LRP1B: variants seen among roughly 807,000 people sequenced by gnomAD.
LRP1B encodes the protein low-density lipoprotein receptor-related protein 1B.
LRP1B carries 217 observed loss-of-function variants against 556.6 expected under a neutral mutation model. The observed-to-expected ratio is 0.39, with a 90% CI of 0.35 to 0.44. The LOEUF (loss-of-function observed/expected upper bound fraction) is 0.44, where lower values mean the gene tolerates loss of function less well. LRP1B is among the 20% of genes least tolerant of loss of function. The pLI, the probability that LRP1B is intolerant of heterozygous loss-of-function variation, is 1.00. For missense variants in LRP1B, 5,053 were observed against 5,620.8 expected, an observed-to-expected ratio of 0.90 and a Z score of 3.23; for synonymous variants, 2,047 against 1,865.8, an observed-to-expected ratio of 1.10 and a Z score of -2.50.
chr2:140,877,952 A>C (rs1693360365), intron 25 of LRP1B, among the ~76,000 whole-genome samples: 1 of 152,194 alleles, frequency 6.6e-6, no homozygotes, highest in African/African-American at 2.4e-5. Flanking sequence ...GTTCACAGAC[A>C]GCTTTAGTTC....
chr2:141,662,040 G>A (rs1163367420), intron 2 of LRP1B, among the ~76,000 whole-genome samples: 3 of 152,176 alleles, frequency 2.0e-5, no homozygotes, highest in African/African-American at 7.2e-5. Context: ...CATTCTTAAA[G>A]AAAGGAATTT....
At chr2:141,292,936 A>G (rs536894192) in intron 3 of LRP1B, among the ~76,000 whole-genome samples, 17 of 152,322 alleles carry the variant, frequency 1.1e-4, no homozygotes, top group African/African-American at 4.1e-4. Flanking sequence ...AGTTTATCAT[A>G]AAAATTGTAC....
intron 1 of LRP1B, among the ~76,000 whole-genome samples, chr2:142,077,201 C>T (rs138840289): frequency 0.025 from 3,735 of 151,992 alleles, 64 homozygotes; most frequent in Middle Eastern, 0.051. Flanking sequence ...GGAGTAATCA[C>T]GGGAGGGATT....
At chr2:140,442,730 G>T in intron 65 of LRP1B, 107 bp from the exon 66 acceptor site, 1 of 1,092,244 alleles carries the variant, frequency 9.2e-7, no homozygotes, top group Non-Finnish European at 1.3e-6. Flanking sequence ...AAAATGTATT[G>T]TCTTTAAATT....
chr2:140,936,676 T>G (rs1238309069), intron 20 of LRP1B, among the ~76,000 whole-genome samples: 34 of 151,606 alleles, frequency 2.2e-4, no homozygotes, highest in Non-Finnish European at 4.4e-5. Flanking sequence ...TGTACTATAC[T>G]TCTTGTTTCC....
intron 83 of LRP1B, among the ~76,000 whole-genome samples, chr2:140,311,852 A>G (rs1684318966): frequency 1.3e-5 from 2 of 151,898 alleles, no homozygotes; most frequent in Non-Finnish European, 2.9e-5. Flanking sequence ...ACTCTTTAAG[A>G]TATCAGTTAG....
intron 2 of LRP1B, among the ~76,000 whole-genome samples, chr2:141,566,566 C>A (rs1462035855): frequency 6.6e-6 from 1 of 152,160 alleles, no homozygotes; most frequent in African/African-American, 2.4e-5. Context: ...TGTGGTCTTC[C>A]AGTATGAGTA....
At chr2:141,212,674 A>G (rs551190439) in intron 6 of LRP1B, among the ~76,000 whole-genome samples, 2 of 152,216 alleles carry the variant, frequency 1.3e-5, no homozygotes, top group African/African-American at 4.8e-5. Context: ...TAGATCAAAA[A>G]GAAAATATAG....
At chr2:141,339,521 T>C (rs1035704363) in intron 3 of LRP1B, among the ~76,000 whole-genome samples, 2 of 152,134 alleles carry the variant, frequency 1.3e-5, no homozygotes, top group African/African-American at 2.4e-5. Context: ...TTTTCTCATC[T>C]GAAAAAGAGA....
rs569423338 is a variant in LRP1B, at chr2:140,651,148, T to C, written c.6799+49102A>G. Among the ~76,000 whole-genome samples the C allele has an allele frequency of 9.9e-5, 15 of 152,130 alleles. No homozygotes were observed. The South Asian group carries it at 3.1e-3, about 32-fold the overall frequency. On this transcript the variant is annotated intron_variant, in intron 41 of 90. Coordinates refer to ENST00000389484, the MANE Select transcript of LRP1B (RefSeq NM_018557.3). ...AACATTCCAGGAAACACCAGAACCA[T>C]CTGGCAGTAAGTTTGGGAGATAAGA...
chr2:141,065,979 T>C (rs1439635735), intron 7 of LRP1B, among the ~76,000 whole-genome samples: 2 of 151,934 alleles, frequency 1.3e-5, no homozygotes, highest in Non-Finnish European at 2.9e-5. Flanking sequence ...CTTTCTTTGT[T>C]CTCACCTGTG....
At chr2:141,827,512 C>G (rs1696978150) in intron 1 of LRP1B, among the ~76,000 whole-genome samples, 1 of 152,120 alleles carries the variant, frequency 6.6e-6, no homozygotes, top group Non-Finnish European at 1.5e-5. Context: ...TCTCCTGTGA[C>G]TAATGTCAAG....
intron 86 of LRP1B, among the ~76,000 whole-genome samples, chr2:140,265,266 AAAT>A (rs1472058336): frequency 3.4e-5 from 5 of 145,702 alleles, no homozygotes; most frequent in African/African-American, 1.3e-4. Context: ...AACACTGTCA[AAAT>A]AACACATTAG....
intron 3 of LRP1B, among the ~76,000 whole-genome samples, chr2:141,462,308 A>G (rs1681907903): frequency 6.6e-6 from 1 of 152,210 alleles, no homozygotes; most frequent in Non-Finnish European, 1.5e-5. Flanking sequence ...AAAGCTGAGC[A>G]TTTATTTGAT....
At chr2:140,375,231 T>G (rs114078557) in intron 68 of LRP1B, among the ~76,000 whole-genome samples, 3,068 of 151,764 alleles carry the variant, frequency 0.02, 35 homozygotes, top group African/African-American at 0.028. Flanking sequence ...CAGTCGTTTT[T>G]CTTTCTAATG....
intron 1 of LRP1B, among the ~76,000 whole-genome samples, chr2:142,048,037 C>T (rs1021005811): frequency 6.7e-6 from 1 of 148,588 alleles, no homozygotes; most frequent in Non-Finnish European, 1.5e-5. Flanking sequence ...TGGTCAAAAT[C>T]CAGACTTTCC....
At chr2:140,557,127 C>T (rs571918326) in intron 43 of LRP1B, among the ~76,000 whole-genome samples, 1 of 152,062 alleles carries the variant, frequency 6.6e-6, no homozygotes, top group Middle Eastern at 3.2e-3. Context: ...GATTTACATA[C>T]CAAGTGAGTT....
chr2:141,727,137 G>T (rs1693069765), intron 2 of LRP1B, among the ~76,000 whole-genome samples: 1 of 152,048 alleles, frequency 6.6e-6, no homozygotes, highest in Non-Finnish European at 1.5e-5. Context: ...ACAAGGAAAA[G>T]AGATCTTGAG....
At chr2:141,923,451 T>C (rs1368463466) in intron 1 of LRP1B, among the ~76,000 whole-genome samples, 1 of 87,338 alleles carries the variant, frequency 1.1e-5, no homozygotes, top group Non-Finnish European at 2.4e-5. Flanking sequence ...TATATATGTG[T>C]GTGTGTGTGT....
Sources: gnomAD v4.1 joint callset for allele counts (sites outside exome capture counted in the v4.1 genomes callset) on GRCh38, gnomAD v4.1.1 for gene constraint, MANE v1.5 for transcripts, NCBI Gene and HGNC (gene_info 2026-07-23, HGNC 2026-07-21) for gene names.